CAPN7: variants seen among roughly 807,000 people sequenced by gnomAD.
CAPN7 encodes the protein calpain 7.
In CAPN7, 72 loss-of-function variants were observed where a neutral mutation model predicts 115.2. The ratio of observed to expected loss-of-function variants is 0.63; its 90% CI spans 0.52 to 0.76. The LOEUF is 0.76. Among genes scored for constraint, CAPN7 ranks in the 30% least tolerant of loss-of-function variants. The probability of loss-of-function intolerance (pLI) is 0.00; values close to 1 mark genes in which losing one functional copy is unlikely to be tolerated. For synonymous variants in CAPN7, 344 were observed against 322.3 expected (o/e 1.07, Z -0.72); for missense variants, 905 against 971.5 (o/e 0.93, Z 0.91).
Position 15,220,760 on chromosome 3 carries a change from GT to G in CAPN7, c.438-18del. On this transcript the variant is annotated intron_variant, in intron 4 of 20. Transcript: ENST00000253693. ...TGTGAGTAGAAAAACTAGAACAGTT[GT>G]TTGTTCCTCTCTGTTATAGAGCAGA... The G allele has an allele frequency of 1.2e-6, 2 of 1,610,040 alleles. No individual in the cohort carries two copies. The highest frequency in any genetic ancestry group is 1.7e-6 in the Non-Finnish European group (2 of 1,176,468).
intron 12 of CAPN7, among the ~76,000 whole-genome samples, chr3:15,238,657 G>A (rs554538786): frequency 3.3e-5 from 5 of 151,970 alleles, no homozygotes; most frequent in African/African-American, 1.2e-4. Context: ...TAGTCTCAGC[G>A]ATTCTCTCTT....
chr3:15,216,522 CAT>C (rs1289179669), intron 2 of CAPN7, among the ~76,000 whole-genome samples: 1 of 152,112 alleles, frequency 6.6e-6, no homozygotes, highest in East Asian at 1.9e-4. Context: ...ATTCTGGATA[CAT>C]GTTTCTTATA....
intron 2 of CAPN7, among the ~76,000 whole-genome samples, chr3:15,216,103 A>T (rs1238075848): frequency 6.6e-6 from 1 of 151,988 alleles, no homozygotes; most frequent in African/African-American, 2.4e-5. Flanking sequence ...AAAAAAATTC[A>T]TGTACAGATT....
chr3:15,248,307 AAT>A (rs1329428870), intron 19 of CAPN7, among the ~76,000 whole-genome samples: 2 of 152,256 alleles, frequency 1.3e-5, no homozygotes, highest in African/African-American at 2.4e-5. Flanking sequence ...TTAAGATTAT[AAT>A]ATAGTCATAT....
intron 6 of CAPN7, among the ~76,000 whole-genome samples, chr3:15,225,753 G>A (rs1328980872): frequency 6.6e-6 from 1 of 152,182 alleles, no homozygotes; most frequent in African/African-American, 2.4e-5. Context: ...GCCTACCACA[G>A]TATCTGGTGT....
intron 6 of CAPN7, among the ~76,000 whole-genome samples, chr3:15,225,293 A>G (rs940920195): frequency 2.0e-5 from 3 of 152,224 alleles, no homozygotes; most frequent in Non-Finnish European, 4.4e-5. Flanking sequence ...GTTGTAAGGA[A>G]CTATTTAGAG....
chr3:15,219,426 T>C (rs1693832104), intron 4 of CAPN7, among the ~76,000 whole-genome samples: 1 of 152,186 alleles, frequency 6.6e-6, no homozygotes, highest in African/African-American at 2.4e-5. Context: ...TAGTCATCCC[T>C]CCTTTTCATT....
At chr3:15,229,990 T>A (rs1694590741) in intron 8 of CAPN7, among the ~76,000 whole-genome samples, 1 of 152,206 alleles carries the variant, frequency 6.6e-6, no homozygotes, top group South Asian at 2.1e-4. Context: ...GTGGTCCAAA[T>A]GTATTTTAAA....
rs867654381 is a variant in CAPN7 at position 15,251,462 on chromosome 3, G to A, written c.*202G>A. The A allele has an allele frequency of 1.2e-4, 52 of 435,854 alleles. No individual in the cohort carries two copies. In the Middle Eastern group the frequency reaches 5.6e-3, roughly 47 times the overall value. 27.0% of individuals were successfully genotyped at this position (435,854 alleles called of 1,614,324 possible). A position where few individuals can be genotyped will look rare whatever the true frequency, so the allele number is the denominator to read the frequency against. ...ATTACCTAAATCACCTAGAGGTACC[G>A]TTTACATGGTTTTGTGTATATAGAG... is the stretch of plus-strand genomic sequence containing the variant. On this transcript the variant is annotated 3_prime_UTR_variant, in exon 21 of 21. Coordinates refer to ENST00000253693, the MANE Select transcript of CAPN7 (RefSeq NM_014296.3).
At chr3:15,232,768 G>A in intron 10 of CAPN7, 103 bp downstream of exon 10, 1 of 979,204 alleles carries the variant, frequency 1.0e-6, no homozygotes. Context: ...TAGGGAAAGA[G>A]AGCAGATTAT....
chr3:15,248,105 G>C (rs1465760951), intron 19 of CAPN7, among the ~76,000 whole-genome samples: 1 of 152,018 alleles, frequency 6.6e-6, no homozygotes, highest in African/African-American at 2.4e-5. Flanking sequence ...CAGCGCACCA[G>C]CATGGCACAT....
chr3:15,208,453 ATT>A (rs1218217326), intron 1 of CAPN7, among the ~76,000 whole-genome samples: 16 of 126,138 alleles, frequency 1.3e-4, no homozygotes, highest in African/African-American at 3.0e-4. Context: ...CACTTGGCTA[ATT>A]TTTTTTTTTT....
intron 1 of CAPN7, among the ~76,000 whole-genome samples, chr3:15,207,299 A>T (rs1022066772): frequency 2.7e-5 from 4 of 149,142 alleles, no homozygotes; most frequent in Non-Finnish European, 6.0e-5. Flanking sequence ...CATAAAAGAT[A>T]AAAAAAAAAT....
At position 15,247,413 on chromosome 3, in the gene CAPN7, T is replaced by C. The variant is rs540085046; in HGVS notation, c.2160T>C (p.His720=). ...THKNNPIYQF[H]IEKTGPLLIE... is the part of the protein sequence containing the mutation. ...AAAATAACCCCATCTACCAATTCCATATAGAAAAGACTGGGCCGTTACTGA... is the reference window on the plus strand; with the variant it reads ...AAAATAACCCCATCTACCAATTCCACATAGAAAAGACTGGGCCGTTACTGA... The change falls in exon 19 of 21, where the codon CAT becomes CAC. Residue 720 remains histidine (H), a synonymous_variant. Transcript: ENST00000253693. The C allele has an allele frequency of 5.6e-6, 9 of 1,611,960 alleles. No homozygotes were observed. In the East Asian group the frequency reaches 2.0e-4, roughly 36 times the overall value.
rs1695345533 is a variant in CAPN7, at chr3:15,241,487, G to A, written c.1687G>A (p.Ala563Thr). ...WDAKQGPVKD[A>T]YSLANNPQYK... ...TGCTAAGCAAGGACCTGTGAAAGAT[G>A]CCTATAGCCTGGCCAACAACCCCCA... The change falls in exon 15 of 21, where the codon GCC (alanine) becomes ACC (threonine). Residue 563 changes from alanine to threonine, a missense_variant. Ala to Thr is a moderately conservative substitution (Grantham distance 58). Around this residue, in one of 3 missense-constraint regions of CAPN7, gnomAD observed 620 missense variants for 703.4 expected, o/e 0.88. Coordinates refer to ENST00000253693, the MANE Select transcript of CAPN7 (RefSeq NM_014296.3). The A allele has an allele frequency of 9.3e-6, 15 of 1,614,094 alleles. No individual in the cohort carries two copies. Among genetic ancestry groups the A allele is most frequent in the Non-Finnish European group, 1.2e-5 (14 of 1,179,964 alleles).
intron 17 of CAPN7, 55 bp downstream of exon 17, chr3:15,245,726 G>A: frequency 6.9e-7 from 1 of 1,455,412 alleles, no homozygotes; most frequent in Non-Finnish European, 9.3e-7. Context: ...TATGTAATAT[G>A]CTCTGCTTTG....
Position 15,240,556 on chromosome 3 carries a change from G to T in CAPN7, c.1491G>T (p.Trp497Cys), listed in dbSNP as rs1479239165. 3 of 1,613,124 alleles carry T rather than the reference G, an allele frequency of 1.9e-6. No homozygotes were observed. In the South Asian group the frequency reaches 3.3e-5, roughly 18 times the overall value. The change falls in exon 13 of 21, where the codon TGG becomes TGT. Residue 497 changes from tryptophan (W) to cysteine (C), a missense_variant. Trp to Cys is a radical substitution (Grantham distance 215, BLOSUM62 -2). Coordinates refer to ENST00000253693, the MANE Select transcript of CAPN7 (RefSeq NM_014296.3). ...GRYSENDVKN[W>C]TPELQKYLNF... ...ACAGTGAAAATGATGTAAAAAACTG[G>T]ACTCCAGAGTTGCAAAAGTATTTAA...
intron 8 of CAPN7, among the ~76,000 whole-genome samples, chr3:15,230,125 A>C (rs1694596921): frequency 6.6e-6 from 1 of 152,192 alleles, no homozygotes; most frequent in African/African-American, 2.4e-5. Context: ...GCCAGTGGTA[A>C]AAGATTATTT....
intron 19 of CAPN7, among the ~76,000 whole-genome samples, chr3:15,248,528 G>A (rs945489923): frequency 6.6e-6 from 1 of 152,210 alleles, no homozygotes; most frequent in African/African-American, 2.4e-5. Flanking sequence ...TAAAAGCTCT[G>A]TCGAGGGACA....
Sources: gnomAD v4.1 joint callset for allele counts (sites outside exome capture counted in the v4.1 genomes callset) on GRCh38, gnomAD v4.1.1 for gene constraint, gnomAD v4.1.1 regional missense constraint, MANE v1.5 for transcripts, NCBI Gene and HGNC (gene_info 2026-07-23, HGNC 2026-07-21) for gene names.